Variants in ZNF718 observed in about 807,000 individuals in gnomAD.
The protein encoded by ZNF718 is zinc finger protein 718.
A neutral mutation model predicts 2.6 loss-of-function variants in ZNF718; 3 were observed. That is an observed-to-expected ratio of 1.16 (90% CI 0.53 to 3.01). The LOEUF (loss-of-function observed/expected upper bound fraction) is 3.01, where lower values mean the gene tolerates loss of function less well. Among genes scored for constraint, ZNF718 ranks in the 30% most tolerant of loss-of-function variants. ZNF718 has a pLI of 0.03. For synonymous variants in ZNF718, 135 were observed against 77.9 expected, an observed-to-expected ratio of 1.73 and a Z score of -3.86; for missense variants, 468 against 230.0, an observed-to-expected ratio of 2.03 and a Z score of -6.69.
chr4:172,040 AT>A (rs1717247382), intron 3 of ZNF718, among the ~76,000 whole-genome samples: 1 of 152,130 alleles, frequency 6.6e-6, no homozygotes, highest in Non-Finnish European at 1.5e-5. Context: ...AGCAAAACTT[AT>A]TTTTTCATGC....
In ZNF718 at chr4:156,694, T is replaced by C. The variant is rs370633326; in HGVS notation, c.227-4218T>C. Among the ~76,000 whole-genome samples the C allele has an allele frequency of 4.6e-5, 7 of 152,336 alleles. No homozygotes were observed. In the East Asian group the frequency reaches 1.2e-3, roughly 25 times the overall value. ...GAATCAGACTGTTTTAGATAGCTTA[T>C]GTAAGTTGATTCATATAGTTTCTGT... is the stretch of plus-strand genomic sequence containing the variant. On this transcript the variant is annotated intron_variant, in intron 3 of 3. Transcript: ENST00000510175.
chr4:129,780 A>C (rs1715308689), intron 1 of ZNF718, among the ~76,000 whole-genome samples: 1 of 101,452 alleles, frequency 9.9e-6, no homozygotes, highest in African/African-American at 3.4e-5. Flanking sequence ...ACGCATTTAA[A>C]AAAAAAAACA....
At chr4:127,031 G>T (rs1474820914) in intron 1 of ZNF718, among the ~76,000 whole-genome samples, 1 of 152,074 alleles carries the variant, frequency 6.6e-6, no homozygotes, top group Non-Finnish European at 1.5e-5. Context: ...TCGCCATGTT[G>T]GCCAGGATGG....
intron 3 of ZNF718, among the ~76,000 whole-genome samples, chr4:151,031 C>A (rs1716294364): frequency 6.6e-6 from 1 of 152,102 alleles, no homozygotes; most frequent in Admixed American, 6.5e-5. Context: ...TACTAACTTA[C>A]AATTTTACAA....
At chr4:139,397 A>G (rs1288727884) in intron 3 of ZNF718, among the ~76,000 whole-genome samples, 2 of 152,226 alleles carry the variant, frequency 1.3e-5, no homozygotes, top group African/African-American at 4.8e-5. Flanking sequence ...ATATTGAGGC[A>G]GGAAAATAGA....
rs1715310761 is a variant in ZNF718 at position 129,877 on chromosome 4, T to C, written c.4-911T>C. Among the ~76,000 whole-genome samples, 2 of 104,532 alleles carry C rather than the reference T, an allele frequency of 1.9e-5. 1 individual carries two copies. The highest frequency in any genetic ancestry group is 1.0e-3 in the East Asian group (2 of 1,914). The allele number at this position is 104,532 out of a possible 152,430, so 68.6% of individuals were successfully genotyped here. Reference sequence around the variant, plus strand: ...CATGGGACTACTTTTCAGGATGTTATAGTATTAACACACATAATGTGAACT... The same window carrying C: ...CATGGGACTACTTTTCAGGATGTTACAGTATTAACACACATAATGTGAACT... On this transcript the variant is annotated intron_variant, in intron 1 of 3. Coordinates refer to ENST00000510175, the MANE Select transcript of ZNF718 (RefSeq NM_001039127.6).
chr4:167,339 T>C (rs184017407), downstream of ZNF718, among the ~76,000 whole-genome samples: 7 of 152,320 alleles, frequency 4.6e-5, no homozygotes, highest in South Asian at 8.3e-4. Flanking sequence ...GTGTGCTCTT[T>C]TTTGGTTCCA....
chr4:149,699 A>G (rs1716228876), intron 3 of ZNF718: 1 of 152,124 alleles, frequency 6.6e-6, no homozygotes, highest in African/African-American at 2.4e-5. Flanking sequence ...TTGATTATAA[A>G]TTATTTATTT....
At chr4:146,794 G>A (rs782430421) in intron 3 of ZNF718, among the ~76,000 whole-genome samples, 14 of 150,310 alleles carry the variant, frequency 9.3e-5, no homozygotes, top group Non-Finnish European at 1.3e-4. Flanking sequence ...ATATAGCTGA[G>A]TCTCCTGTTA....
intron 3 of ZNF718, among the ~76,000 whole-genome samples, chr4:175,208 G>A (rs1440557748): frequency 1.3e-5 from 2 of 152,150 alleles, no homozygotes; most frequent in Admixed American, 1.3e-4. Flanking sequence ...ACCAACAACC[G>A]TTTTACCCCG....
At chr4:189,453 A>T (rs1717650977) in intron 3 of ZNF718, among the ~76,000 whole-genome samples, 1 of 152,104 alleles carries the variant, frequency 6.6e-6, no homozygotes, top group South Asian at 2.1e-4. Flanking sequence ...GATTACTGTT[A>T]TATAAAAGTA....
In ZNF718 at chr4:161,806, A is replaced by G. The variant is rs781949429; in HGVS notation, c.1121A>G (p.Lys374Arg). 1 of 780,874 alleles carries G rather than the reference A, an allele frequency of 1.3e-6. No homozygotes were observed. Among genetic ancestry groups the G allele is most frequent in the Non-Finnish European group, 2.4e-6 (1 of 418,026 alleles). 48.4% of individuals were successfully genotyped at this position (780,874 alleles called of 1,614,324 possible). A position where few individuals can be genotyped will look rare whatever the true frequency, so the allele number is the denominator to read the frequency against. ...CCCTACACATGTGAAGAATGTGGAA[A>G]AGCCTTTAATTGGTCCTCAACCCTT... The part of the protein sequence containing the change: ...EKPYTCEECG[K>R]AFNWSSTLNV... Residue 374 changes from lysine (K) to arginine (R), a missense_variant, in exon 4 of 4, where the codon AAA becomes AGA. Transcript: ENST00000510175.
rs566799245 is a variant in ZNF718, at chr4:162,956, C to T, written c.*834C>T. 6.6e-6 allele frequency: 1 copy of T among 152,200 alleles called. No homozygotes were observed. The highest frequency in any genetic ancestry group is 2.1e-4 in the South Asian group (1 of 4,824). 9.4% of individuals were successfully genotyped at this position (152,200 alleles called of 1,614,324 possible). On this transcript the variant is annotated 3_prime_UTR_variant, in exon 4 of 4. Transcript: ENST00000510175. ...TGTAAAGTATAAAAAAATTCCAAAG[C>T]TGAAACTGTTAGATAATTTCTTTCT... is the stretch of plus-strand genomic sequence containing the variant.
At chr4:140,083 C>A (rs369886785) in intron 3 of ZNF718, among the ~76,000 whole-genome samples, 1 of 152,024 alleles carries the variant, frequency 6.6e-6, no homozygotes. Context: ...AGAGCAAACT[C>A]GCACATGTTT....
intron 3 of ZNF718, among the ~76,000 whole-genome samples, chr4:193,522 A>G (rs1176597461): frequency 6.6e-6 from 1 of 152,072 alleles, no homozygotes; most frequent in Non-Finnish European, 1.5e-5. Context: ...CTAAGAAAGG[A>G]GTGGGGCTTT....
chr4:150,154 G>C (rs1716253126), intron 3 of ZNF718: 3 of 151,762 alleles, frequency 2.0e-5, no homozygotes, highest in Admixed American at 2.0e-4. Flanking sequence ...ATGTTCTCAG[G>C]CTTTGTTTTT....
chr4:151,159 G>T (rs903863172), intron 3 of ZNF718, among the ~76,000 whole-genome samples: 2 of 152,150 alleles, frequency 1.3e-5, no homozygotes, highest in African/African-American at 2.4e-5. Flanking sequence ...CTGGAGTGTA[G>T]TGGTGTGATC....
chr4:135,756 A>AT (rs1581426330), intron 3 of ZNF718, among the ~76,000 whole-genome samples: 2 of 143,738 alleles, frequency 1.4e-5, no homozygotes, highest in Admixed American at 7.0e-5. Flanking sequence ...ATGATTATAT[A>AT]ATCTACAGAC....
At chr4:153,822 A>G (rs546544661) in intron 3 of ZNF718, among the ~76,000 whole-genome samples, 12 of 152,354 alleles carry the variant, frequency 7.9e-5, no homozygotes, top group African/African-American at 2.9e-4. Flanking sequence ...AAATCTATAT[A>G]CTGAACAGAA....
Sources: gnomAD v4.1 joint callset for allele counts (sites outside exome capture counted in the v4.1 genomes callset) on GRCh38, gnomAD v4.1.1 for gene constraint, MANE v1.5 for transcripts, NCBI Gene and HGNC (gene_info 2026-07-23, HGNC 2026-07-21) for gene names.